SKP1: variants seen among roughly 807,000 people sequenced by gnomAD.
SKP1 encodes S-phase kinase-associated protein 1.
SKP1 carries 1 observed loss-of-function variant against 21.5 expected under a neutral mutation model. The ratio of observed to expected loss-of-function variants is 0.05; its 90% CI spans 0.02 to 0.22. SKP1 has a LOEUF of 0.22. SKP1 is among the 10% of genes least tolerant of loss of function. The pLI, the probability that SKP1 is intolerant of heterozygous loss-of-function variation, is 1.00. For synonymous variants in SKP1, 59 were observed against 59.3 expected (o/e 0.99, Z 0.03); for missense variants, 70 against 192.0 (o/e 0.36, Z 3.76).
At position 134,157,035 on chromosome 5, in the gene SKP1, C is replaced by T. The variant is rs1473340845; in HGVS notation, c.*698G>A. ...AACACTAATTATAAAAAGATGACAT[C>T]CCACATGGGTTAAGTGTCTTTTTAA... is the stretch of plus-strand genomic sequence containing the variant. On this transcript the variant is annotated 3_prime_UTR_variant, in exon 6 of 6. Coordinates refer to ENST00000353411, the MANE Select transcript of SKP1 (RefSeq NM_170679.3). 2.6e-5 allele frequency: 4 copies of T among 152,678 alleles called. No individual in the cohort carries two copies. Among genetic ancestry groups the T allele is most frequent in the Non-Finnish European group, 5.9e-5 (4 of 68,046 alleles). The allele number at this position is 152,678 out of a possible 1,614,324, so 9.5% of individuals were successfully genotyped here. A position where few individuals can be genotyped will look rare whatever the true frequency, so the allele number is the denominator to read the frequency against.
rs565364245 is a variant in SKP1, at chr5:134,167,295, T to C, written c.98-52A>G. 7.1e-6 allele frequency: 8 copies of C among 1,132,902 alleles called. No individual in the cohort carries two copies. In the African/African-American group the frequency reaches 1.1e-4, roughly 15 times the overall value. 70.2% of individuals were successfully genotyped at this position (1,132,902 alleles called of 1,614,324 possible). ...TTTCCTAATTCCATTATAATACTTA[T>C]ACCAACCAGGCTATGTCTCAAAACA... On this transcript the variant is annotated intron_variant, in intron 2 of 5. Coordinates refer to ENST00000353411, the MANE Select transcript of SKP1 (RefSeq NM_170679.3).
rs1364449768 is a variant in SKP1 at position 134,153,473 on chromosome 5, C to T, written c.*4260G>A. 2 of 152,440 alleles carry T rather than the reference C, an allele frequency of 1.3e-5. No individual in the cohort carries two copies. The highest frequency in any genetic ancestry group is 2.9e-5 in the Non-Finnish European group (2 of 68,316). 9.4% of individuals were successfully genotyped at this position (152,440 alleles called of 1,614,324 possible). On this transcript the variant is annotated 3_prime_UTR_variant, in exon 6 of 6. Transcript: ENST00000353411. ...TCCAGCCTGGGGGGCAGAGGTGAGA[C>T]CTTGTCTCTTAAAAGAAGAATCAAA...
chr5:134,151,768 A>T lies in SKP1; in HGVS notation c.*5965T>A, dbSNP rs1162756232. ...AGAATGCTGCTCAATACTGGCACAC[A>T]GACCAGAGGTAGCCAGCAGTACACA... On this transcript the variant is annotated 3_prime_UTR_variant, in exon 6 of 6. Transcript: ENST00000353411. The T allele has an allele frequency of 2.2e-6, 1 of 447,390 alleles. No individual in the cohort carries two copies. The allele number at this position is 447,390 out of a possible 1,614,324, so 27.7% of individuals were successfully genotyped here.
At position 134,150,584 on chromosome 5, in the gene SKP1, GTTCT is replaced by G. The variant is rs973153559; in HGVS notation, c.*7145_*7148del. 9 of 152,162 alleles carry G rather than the reference GTTCT, an allele frequency of 5.9e-5. No homozygotes were observed. Among genetic ancestry groups the G allele is most frequent in the Admixed American group, 1.3e-4 (2 of 15,286 alleles). The allele number at this position is 152,162 out of a possible 1,614,324, so 9.4% of individuals were successfully genotyped here. On this transcript the variant is annotated 3_prime_UTR_variant, in exon 6 of 6. Transcript: ENST00000353411. Reference sequence around the variant, plus strand: ...AAGGCTAAGTTGGCTTTTCTTTGAGGTTCTTTGAGAGTCCTTAACTGCGACTCTC... The same window carrying G: ...AAGGCTAAGTTGGCTTTTCTTTGAGGTTGAGAGTCCTTAACTGCGACTCTC...
rs563031837 is a variant in SKP1, at chr5:134,149,374, A to C, written c.*8359T>G. 1 of 152,312 alleles carries C rather than the reference A, an allele frequency of 6.6e-6. No individual in the cohort carries two copies. Among genetic ancestry groups the C allele is most frequent in the Admixed American group, 6.5e-5 (1 of 15,302 alleles). The allele number at this position is 152,312 out of a possible 1,614,324, so 9.4% of individuals were successfully genotyped here. A position where few individuals can be genotyped will look rare whatever the true frequency, so the allele number is the denominator to read the frequency against. On this transcript the variant is annotated 3_prime_UTR_variant, in exon 6 of 6. Transcript: ENST00000353411. ...CACTGCTGTCTTCCTGAGACCTATC[A>C]TGAATGTAAAAGGTGTCATGAAGGC...
chr5:134,176,018 T>C (rs553316207), intron 1 of SKP1, among the ~76,000 whole-genome samples: 2 of 152,318 alleles, frequency 1.3e-5, no homozygotes, highest in South Asian at 2.1e-4. Context: ...TATTGTTCTA[T>C]GAAACGGATA....
intron 2 of SKP1, chr5:134,173,268 G>A (rs1486158735): frequency 1.3e-5 from 2 of 157,044 alleles, no homozygotes; most frequent in Non-Finnish European, 2.8e-5. Context: ...GGAGACGGAG[G>A]TTACAGTGAG....
intron 1 of SKP1, chr5:134,175,624 A>G (rs1466443210): frequency 6.6e-6 from 1 of 152,196 alleles, no homozygotes; most frequent in Non-Finnish European, 1.5e-5. Context: ...CTTTCAAATA[A>G]CTCAAGATAA....
chr5:134,169,656 G>A (rs891458857), intron 2 of SKP1, among the ~76,000 whole-genome samples: 1 of 152,244 alleles, frequency 6.6e-6, no homozygotes, highest in African/African-American at 2.4e-5. Context: ...CCTGAGGTCA[G>A]GAGTTCAAGA....
Position 134,155,511 on chromosome 5 carries a change from GTTGT to G in SKP1, c.*2218_*2221del, listed in dbSNP as rs1193123837. On this transcript the variant is annotated 3_prime_UTR_variant, in exon 6 of 6. Coordinates refer to ENST00000353411, the MANE Select transcript of SKP1 (RefSeq NM_170679.3). ...AAGTTTAAGATTACTAGGATTTTTT[GTTGT>G]TTGTTTAGGGACTACAGAAAGTCAG... is the stretch of plus-strand genomic sequence containing the variant. The G allele has an allele frequency of 2.0e-5, 3 of 152,138 alleles. No homozygotes were observed. The highest frequency in any genetic ancestry group is 6.5e-5 in the Admixed American group (1 of 15,284). The allele number at this position is 152,138 out of a possible 1,614,324, so 9.4% of individuals were successfully genotyped here.
intron 2 of SKP1, among the ~76,000 whole-genome samples, chr5:134,172,487 T>C (rs1398942341): frequency 1.3e-5 from 2 of 152,138 alleles, no homozygotes; most frequent in African/African-American, 4.8e-5. Context: ...CAAGACCTGT[T>C]TTCTAAGTCA....
intron 1 of SKP1, 193 bp downstream of exon 1, chr5:134,176,662 G>T (rs1318012156): frequency 6.6e-6 from 1 of 152,484 alleles, no homozygotes; most frequent in African/African-American, 2.4e-5. Flanking sequence ...TCGCTGAGTC[G>T]GGGGCGGGGC....
intron 3 of SKP1, among the ~76,000 whole-genome samples, chr5:134,164,214 G>T (rs1033581511): frequency 1.8e-4 from 27 of 151,016 alleles, no homozygotes; most frequent in African/African-American, 6.6e-4. Flanking sequence ...CCCAGCTACT[G>T]AGGCTGAAGC....
At chr5:134,172,668 A>G (rs1761464619) in intron 2 of SKP1, among the ~76,000 whole-genome samples, 1 of 151,902 alleles carries the variant, frequency 6.6e-6, no homozygotes. Flanking sequence ...GGATGGCTTG[A>G]GTCCAAGAGT....
At chr5:134,166,101 C>T (rs1761325681) in intron 3 of SKP1, among the ~76,000 whole-genome samples, 1 of 151,466 alleles carries the variant, frequency 6.6e-6, no homozygotes, top group Non-Finnish European at 1.5e-5. Flanking sequence ...GGGAAAATTA[C>T]TTGAACCCGG....
chr5:134,173,474 G>A (rs1761484150), intron 2 of SKP1: 1 of 326,766 alleles, frequency 3.1e-6, no homozygotes, highest in South Asian at 2.6e-5. Context: ...CTGGACAAGA[G>A]TGAGACTCTG....
intron 1 of SKP1, among the ~76,000 whole-genome samples, chr5:134,176,006 G>T (rs757594035): frequency 6.6e-6 from 1 of 152,084 alleles, no homozygotes; most frequent in Non-Finnish European, 1.5e-5. Context: ...TGGAGGAGAC[G>T]GTATTGTTCT....
chr5:134,161,171 C>T (rs955936602), intron 3 of SKP1, 41 bp from the exon 4 acceptor site: 1 of 1,549,038 alleles, frequency 6.5e-7, no homozygotes, highest in Non-Finnish European at 8.8e-7. Flanking sequence ...CACTTTGTCA[C>T]AAGGTACTCA....
At chr5:134,170,829 A>G (rs1761425499) in intron 2 of SKP1, 2 of 354,890 alleles carry the variant, frequency 5.6e-6, no homozygotes, top group South Asian at 4.4e-5. Flanking sequence ...TTGAAGCAGC[A>G]CAGGACAGAT....
Sources: allele counts gnomAD v4.1 joint callset (sites outside exome capture counted in the v4.1 genomes callset), GRCh38; gene constraint gnomAD v4.1.1; transcripts MANE v1.5; gene names NCBI Gene and HGNC (gene_info 2026-07-23, HGNC 2026-07-21).